TFCP2L1: variants seen among roughly 807,000 people sequenced by gnomAD.
TFCP2L1 encodes the protein transcription factor CP2-like protein 1.
TFCP2L1 carries 12 observed loss-of-function variants against 72.2 expected under a neutral mutation model. That is an observed-to-expected ratio of 0.17 (90% CI 0.11 to 0.27). The LOEUF is 0.27. Ranked by LOEUF, TFCP2L1 falls within the 10% of genes least tolerant of loss-of-function variation. TFCP2L1 has a pLI of 1.00. For synonymous variants in TFCP2L1, 260 were observed against 251.0 expected (o/e 1.04, Z -0.34); for missense variants, 488 against 624.6 (o/e 0.78, Z 2.33).
rs750107740 is a variant in TFCP2L1, at chr2:121,269,907, T to TCAAAAAAAA, written c.214+11212_214+11213insTTTTTTTTG. The stretch of plus-strand genomic sequence containing the variant: ...CTGGGTGACAGAGCAAGACTCCATC[T>TCAAAAAAAA]AAAAAAAAAAAATATATATATATAT... On this transcript the variant is annotated intron_variant, in intron 2 of 14. Transcript: ENST00000263707. Among the ~76,000 whole-genome samples, 10 of 77,602 alleles carry TCAAAAAAAA rather than the reference T, an allele frequency of 1.3e-4. 1 individual carries two copies. The highest frequency in any genetic ancestry group is 6.0e-4 in the African/African-American group (9 of 14,892). 50.9% of individuals were successfully genotyped at this position (77,602 alleles called of 152,430 possible). A position where few individuals can be genotyped will look rare whatever the true frequency, so the allele number is the denominator to read the frequency against.
chr2:121,262,520 A>C (rs1686846496), intron 2 of TFCP2L1, among the ~76,000 whole-genome samples: 1 of 152,216 alleles, frequency 6.6e-6, no homozygotes, highest in Non-Finnish European at 1.5e-5. Context: ...AGGGTCCCGG[A>C]AGACAAGGAA....
chr2:121,226,724 TA>T (rs926878396), intron 13 of TFCP2L1, among the ~76,000 whole-genome samples: 4 of 152,158 alleles, frequency 2.6e-5, no homozygotes, highest in African/African-American at 9.7e-5. Flanking sequence ...GCCCTATCTG[TA>T]AAACAGGGCT....
In TFCP2L1 at chr2:121,242,489, T is replaced by A. The variant is rs753544512; in HGVS notation, c.658-20A>T. 1 of 1,611,898 alleles carries A rather than the reference T, an allele frequency of 6.2e-7. No homozygotes were observed. The highest frequency in any genetic ancestry group is 8.5e-7 in the Non-Finnish European group (1 of 1,178,780). On this transcript the variant is annotated intron_variant, in intron 6 of 14. Coordinates refer to ENST00000263707, the MANE Select transcript of TFCP2L1 (RefSeq NM_014553.3). Reference sequence around the variant, plus strand: ...CTTCGGCTGCGAGCAGAGTACAGAGTCCAATCAGCCCAAAACCAACACAGG... The same window carrying A: ...CTTCGGCTGCGAGCAGAGTACAGAGACCAATCAGCCCAAAACCAACACAGG...
chr2:121,276,225 C>A (rs1687143661), intron 2 of TFCP2L1, among the ~76,000 whole-genome samples: 1 of 151,162 alleles, frequency 6.6e-6, no homozygotes, highest in African/African-American at 2.4e-5. Flanking sequence ...TTGTCCCCCA[C>A]CCCCCGACAG....
intron 2 of TFCP2L1, among the ~76,000 whole-genome samples, chr2:121,262,854 C>G (rs1686852858): frequency 6.6e-6 from 1 of 152,188 alleles, no homozygotes; most frequent in South Asian, 2.1e-4. Flanking sequence ...TCATAAGTAC[C>G]TGGACACTTA....
chr2:121,237,936 C>T, intron 8 of TFCP2L1, 86 bp from the exon 9 acceptor site: 6 of 1,405,582 alleles, frequency 4.3e-6, no homozygotes, highest in South Asian at 1.2e-5. Context: ...GGCACTTTTA[C>T]TTCCTATCAG....
intron 2 of TFCP2L1, among the ~76,000 whole-genome samples, chr2:121,257,401 T>C (rs1404326283): frequency 2.6e-5 from 4 of 152,186 alleles, no homozygotes; most frequent in African/African-American, 9.6e-5. Flanking sequence ...GCCTGGTTCC[T>C]GCCCAAGGGC....
intron 2 of TFCP2L1, among the ~76,000 whole-genome samples, chr2:121,253,250 A>T (rs558072862): frequency 1.3e-5 from 2 of 152,350 alleles, no homozygotes; most frequent in East Asian, 3.9e-4. Flanking sequence ...AGTGCTGCTC[A>T]TGGTGACGCG....
intron 6 of TFCP2L1, among the ~76,000 whole-genome samples, chr2:121,245,285 C>T (rs908930518): frequency 2.6e-5 from 4 of 152,162 alleles, no homozygotes; most frequent in African/African-American, 4.8e-5. Context: ...GCAAGAGCCC[C>T]GCCCAGAGCC....
Position 121,262,321 on chromosome 2 carries a change from C to T in TFCP2L1, c.215-12674G>A, listed in dbSNP as rs536299879. Among the ~76,000 whole-genome samples the T allele has an allele frequency of 3.3e-5, 5 of 152,036 alleles. No individual in the cohort carries two copies. The East Asian group carries it at 5.8e-4, about 18-fold the overall frequency. On this transcript the variant is annotated intron_variant, in intron 2 of 14. Coordinates refer to ENST00000263707, the MANE Select transcript of TFCP2L1 (RefSeq NM_014553.3). ...CTCTACTAAAAATACTAAAATTAGC[C>T]GGGCGTGGTGGCGGGCGCCTGTAAC...
chr2:121,281,006 C>T (rs1010544030), intron 2 of TFCP2L1, 114 bp downstream of exon 2: 14 of 1,397,166 alleles, frequency 1.0e-5, no homozygotes, highest in Admixed American at 2.2e-5. Context: ...TTCCCGAGCC[C>T]GACCTCGCCC....
intron 2 of TFCP2L1, among the ~76,000 whole-genome samples, chr2:121,271,719 T>C (rs1266317889): frequency 6.6e-6 from 1 of 152,238 alleles, no homozygotes; most frequent in Non-Finnish European, 1.5e-5. Context: ...GAAACTGTCC[T>C]GGTTTCATAA....
At position 121,249,084 on chromosome 2, in the gene TFCP2L1, T is replaced by G; in HGVS notation, c.295A>C (p.Ile99Leu). 4 of 1,571,082 alleles carry G rather than the reference T, an allele frequency of 2.5e-6. No individual in the cohort carries two copies. Among genetic ancestry groups the G allele is most frequent in the Non-Finnish European group, 3.5e-6 (4 of 1,157,054 alleles). Residue 99 changes from isoleucine (I) to leucine (L), a missense_variant, in exon 4 of 15, where the codon ATC becomes CTC. Coordinates refer to ENST00000263707, the MANE Select transcript of TFCP2L1 (RefSeq NM_014553.3). The stretch of plus-strand genomic sequence containing the variant: ...CGGTCATGGAAGACCACACGGATGA[T>G]GCTCTGGGGAGGGAGGCCAGCAGGG... ...QDLNTKYVKSIIRVVFHDRRL... is the reference protein window; with the variant it reads ...QDLNTKYVKSLIRVVFHDRRL...
At chr2:121,269,918 A>AAAAAAAAAAAAAAAAAAAAAAAAAAATAT in intron 2 of TFCP2L1, among the ~76,000 whole-genome samples, 5 of 115,176 alleles carry the variant, frequency 4.3e-5, no homozygotes, top group African/African-American at 1.1e-4. Context: ...AAAAAAAAAA[A>AAAAAAAAAAAAAAAAAAAAAAAAAAATAT]ATATATATAT....
At chr2:121,241,917 C>T (rs1481560452) in intron 7 of TFCP2L1, among the ~76,000 whole-genome samples, 1 of 151,922 alleles carries the variant, frequency 6.6e-6, no homozygotes, top group Non-Finnish European at 1.5e-5. Flanking sequence ...ATGGGGCAAA[C>T]GTGTCTACAC....
intron 11 of TFCP2L1, 103 bp downstream of exon 11, chr2:121,235,118 C>T (rs914895378): frequency 3.1e-6 from 4 of 1,284,668 alleles, no homozygotes; most frequent in African/African-American, 1.5e-5. Flanking sequence ...TCCTGTCCCC[C>T]CAGCCAGACC....
At chr2:121,225,977 G>A (rs559627021) in intron 13 of TFCP2L1, among the ~76,000 whole-genome samples, 27 of 132,802 alleles carry the variant, frequency 2.0e-4, no homozygotes, top group African/African-American at 8.2e-4. Flanking sequence ...CCACTGCCAC[G>A]GTGCCCACAC....
chr2:121,239,450 C>T lies in TFCP2L1; in HGVS notation c.860+108G>A, dbSNP rs1172931720. ...TTGTGACTGCAACACGAGTTAGCTA[C>T]CCTGAAACCCAAACAGAAAGGAGAG... On this transcript the variant is annotated intron_variant, in intron 8 of 14. Transcript: ENST00000263707. 7.9e-6 allele frequency: 10 copies of T among 1,258,138 alleles called. No individual in the cohort carries two copies. In the East Asian group the frequency reaches 1.7e-4, roughly 21 times the overall value. The allele number at this position is 1,258,138 out of a possible 1,614,324, so 77.9% of individuals were successfully genotyped here. A position where few individuals can be genotyped will look rare whatever the true frequency, so the allele number is the denominator to read the frequency against.
In TFCP2L1 at chr2:121,222,138, G is replaced by C. The variant is rs1465155949; in HGVS notation, c.*2203C>G. 1 of 152,182 alleles carries C rather than the reference G, an allele frequency of 6.6e-6. No individual in the cohort carries two copies. The highest frequency in any genetic ancestry group is 1.5e-5 in the Non-Finnish European group (1 of 68,030). The allele number at this position is 152,182 out of a possible 1,614,324, so 9.4% of individuals were successfully genotyped here. A position where few individuals can be genotyped will look rare whatever the true frequency, so the allele number is the denominator to read the frequency against. Reference sequence around the variant, plus strand: ...CTCATTAGGATGCTAAAAGCAAAAAGACAGATAATAGCAAGTGTTGATGAG... The same window carrying C: ...CTCATTAGGATGCTAAAAGCAAAAACACAGATAATAGCAAGTGTTGATGAG... On this transcript the variant is annotated 3_prime_UTR_variant, in exon 15 of 15. Transcript: ENST00000263707.
Sources: allele counts gnomAD v4.1 joint callset (sites outside exome capture counted in the v4.1 genomes callset), GRCh38; gene constraint gnomAD v4.1.1; transcripts MANE v1.5; gene names NCBI Gene and HGNC (gene_info 2026-07-23, HGNC 2026-07-21).